CTIF: variants seen among roughly 807,000 people sequenced by gnomAD.
CTIF encodes CBP80/20-dependent translation initiation factor.
A neutral mutation model predicts 66.0 loss-of-function variants in CTIF; 21 were observed. That is an observed-to-expected ratio of 0.32 (90% CI 0.23 to 0.46). CTIF has a LOEUF of 0.46. Among genes scored for constraint, CTIF ranks in the 20% least tolerant of loss-of-function variants. The pLI, the probability that CTIF is intolerant of heterozygous loss-of-function variation, is 1.00. For synonymous variants in CTIF, 345 were observed against 326.4 expected (o/e 1.06, Z -0.62); for missense variants, 739 against 812.7 (o/e 0.91, Z 1.10).
At chr18:48,539,667 G>T (rs111305472) in intron 1 of CTIF, 4 of 152,614 alleles carry the variant, frequency 2.6e-5, no homozygotes, top group African/African-American at 9.6e-5. Flanking sequence ...GCTCGCTTTG[G>T]AGCTGCGCGG....
chr18:48,719,243 C>T (rs574316767), intron 7 of CTIF, among the ~76,000 whole-genome samples: 76 of 152,166 alleles, frequency 5.0e-4, no homozygotes, highest in Non-Finnish European at 9.7e-4. Context: ...CATGTGGGCT[C>T]ATGGGCAAGG....
intron 1 of CTIF, among the ~76,000 whole-genome samples, chr18:48,607,172 T>C (rs1259050420): frequency 2.0e-5 from 3 of 152,178 alleles, no homozygotes; most frequent in Non-Finnish European, 2.9e-5. Context: ...GAGGCAGCTG[T>C]GCTGTGTTGT....
chr18:48,615,745 C>T (rs756944100), intron 1 of CTIF, among the ~76,000 whole-genome samples: 1 of 152,218 alleles, frequency 6.6e-6, no homozygotes, highest in Admixed American at 6.5e-5. Flanking sequence ...GCAGGCATCT[C>T]CTGACTGCAG....
intron 1 of CTIF, among the ~76,000 whole-genome samples, chr18:48,584,025 A>G (rs951080656): frequency 3.9e-5 from 6 of 152,220 alleles, no homozygotes; most frequent in African/African-American, 1.2e-4. Context: ...AGAATCGGAA[A>G]TAGACATCTC....
chr18:48,710,988 G>C (rs902999490), intron 6 of CTIF, among the ~76,000 whole-genome samples: 2 of 152,110 alleles, frequency 1.3e-5, no homozygotes, highest in African/African-American at 4.8e-5. Flanking sequence ...TAATAATAAT[G>C]ATGATAGTAA....
At chr18:48,692,330 CAAAAAACA>C (rs1331665197) in intron 6 of CTIF, among the ~76,000 whole-genome samples, 4 of 138,658 alleles carry the variant, frequency 2.9e-5, no homozygotes, top group East Asian at 2.0e-4. Flanking sequence ...AAACAAAAAA[CAAAAAACA>C]AAAAAAAAAA....
chr18:48,706,935 T>C (rs1490208939), intron 6 of CTIF, among the ~76,000 whole-genome samples: 1 of 152,212 alleles, frequency 6.6e-6, no homozygotes, highest in East Asian at 1.9e-4. Context: ...GACAGGGAAC[T>C]GCAGCCAGGT....
At chr18:48,634,239 A>G (rs549600237) in intron 2 of CTIF, among the ~76,000 whole-genome samples, 1 of 152,282 alleles carries the variant, frequency 6.6e-6, no homozygotes, top group South Asian at 2.1e-4. Flanking sequence ...GTCTCGATGC[A>G]CCACACTGGG....
At chr18:48,671,620 G>A (rs2091536287) in intron 6 of CTIF, among the ~76,000 whole-genome samples, 1 of 151,026 alleles carries the variant, frequency 6.6e-6, no homozygotes, top group African/African-American at 2.5e-5. Flanking sequence ...TTGGTGTGGT[G>A]GTTTTCTTCA....
intron 10 of CTIF, among the ~76,000 whole-genome samples, chr18:48,821,293 C>G (rs1204986382): frequency 1.3e-5 from 2 of 152,254 alleles, no homozygotes; most frequent in Non-Finnish European, 2.9e-5. Flanking sequence ...CATCTCACTG[C>G]ATGGACGCCT....
chr18:48,760,470 C>CA (rs1184714101), intron 8 of CTIF: 2 of 152,086 alleles, frequency 1.3e-5, no homozygotes, highest in Non-Finnish European at 2.9e-5. Flanking sequence ...CAAAGCCACA[C>CA]AGCTAGAGGC....
intron 7 of CTIF, among the ~76,000 whole-genome samples, chr18:48,735,633 G>T (rs905637965): frequency 6.6e-6 from 1 of 152,202 alleles, no homozygotes; most frequent in Non-Finnish European, 1.5e-5. Context: ...GTATCTCCAA[G>T]TGTCCAGTGG....
chr18:48,779,756 C>A (rs569175874), intron 9 of CTIF, among the ~76,000 whole-genome samples: 1 of 152,356 alleles, frequency 6.6e-6, no homozygotes, highest in Non-Finnish European at 1.5e-5. Context: ...TCCTTGTCCT[C>A]CCAAGGGGGA....
chr18:48,778,371 G>A (rs1910885163), intron 9 of CTIF, among the ~76,000 whole-genome samples: 2 of 152,210 alleles, frequency 1.3e-5, no homozygotes, highest in Non-Finnish European at 2.9e-5. Context: ...GGGAGGATGT[G>A]AGCAGGTCAG....
chr18:48,844,369 G>A (rs2069020706), intron 10 of CTIF, among the ~76,000 whole-genome samples: 1 of 152,222 alleles, frequency 6.6e-6, no homozygotes, highest in African/African-American at 2.4e-5. Flanking sequence ...CGCTGGAGTT[G>A]TAGCCCTGCC....
At chr18:48,753,149 G>A (rs768834613) in intron 7 of CTIF, among the ~76,000 whole-genome samples, 1 of 152,198 alleles carries the variant, frequency 6.6e-6, no homozygotes, top group Admixed American at 6.5e-5. Context: ...AGGTGCCTAC[G>A]CTGGTAATAA....
chr18:48,676,480 G>A (rs1454610409), intron 6 of CTIF, among the ~76,000 whole-genome samples: 3 of 152,158 alleles, frequency 2.0e-5, no homozygotes, highest in East Asian at 1.9e-4. Context: ...TCTGTTGGCC[G>A]TTAATCATTA....
intron 9 of CTIF, among the ~76,000 whole-genome samples, chr18:48,806,551 C>T (rs11872602): frequency 5.9e-5 from 9 of 152,182 alleles, no homozygotes; most frequent in East Asian, 1.9e-4. Context: ...GAGTTTGCAG[C>T]GATTGGTAGG....
chr18:48,632,519 C>A (rs1311459678), intron 2 of CTIF, among the ~76,000 whole-genome samples: 1 of 152,220 alleles, frequency 6.6e-6, no homozygotes, highest in African/African-American at 2.4e-5. Context: ...ACCACCACTG[C>A]TAATGAACCC....
Sources: allele counts gnomAD v4.1 joint callset (sites outside exome capture counted in the v4.1 genomes callset), GRCh38; gene constraint gnomAD v4.1.1; transcripts MANE v1.5; gene names NCBI Gene and HGNC (gene_info 2026-07-23, HGNC 2026-07-21).